The following TSPEAR variants were observed in gnomAD, a reference collection of about 807,000 sequenced individuals.
TSPEAR encodes thrombospondin type laminin G domain and EAR repeats, also known as thrombospondin-type laminin G domain and EAR repeat-containing protein.
Under a neutral mutation model 71.6 loss-of-function variants are expected in TSPEAR, and 69 were observed. That is an observed-to-expected ratio of 0.96 (90% confidence interval 0.79 to 1.18). TSPEAR has a LOEUF of 1.18. Ranked by LOEUF, TSPEAR falls within the 50% of genes most tolerant of loss-of-function variation. TSPEAR has a pLI of 0.00. For synonymous variants in TSPEAR, 402 were observed against 387.2 expected (o/e 1.04, Z -0.45); for missense variants, 971 against 894.9 (o/e 1.09, Z -1.09).
rs782218201 is a variant in TSPEAR, at chr21:44,612,872, G to C, written c.83-44867C>G. On this transcript the variant is annotated intron_variant, in intron 1 of 11. Coordinates refer to ENST00000323084, the MANE Select transcript of TSPEAR (RefSeq NM_144991.3). The surrounding 1 kb of genome is among the most constrained non-coding windows in gnomAD (Gnocchi z 4.1). ...CTGCCGCCCCGCGTGCTCCCGCCTG[G>C]CCTGCTGAGGCCTCTGCTCAGGCCA... 3.7e-6 allele frequency: 6 copies of C among 1,611,188 alleles called. No homozygotes were observed. In the East Asian group the frequency reaches 1.3e-4, roughly 36 times the overall value.
intron 1 of TSPEAR, among the ~76,000 whole-genome samples, chr21:44,650,907 C>A (rs1320971646): frequency 6.6e-6 from 1 of 152,214 alleles, no homozygotes; most frequent in Non-Finnish European, 1.5e-5. Flanking sequence ...GGCTCTGACA[C>A]ACCCAAGAAG....
chr21:44,569,208 A>T (rs1264619085), intron 1 of TSPEAR, among the ~76,000 whole-genome samples: 1 of 152,220 alleles, frequency 6.6e-6, no homozygotes, highest in Non-Finnish European at 1.5e-5. Context: ...GTTCTGCAGA[A>T]GAGCCTACCC....
chr21:44,599,134 T>TTCTCTCTCTCTC (rs58774528), intron 1 of TSPEAR, among the ~76,000 whole-genome samples: 6,548 of 92,092 alleles, frequency 0.071, 845 homozygotes, highest in Non-Finnish European at 0.11. Flanking sequence ...GGCCCCCATT[T>TTCTCTCTCTCTC]TCTCTCTCTC....
intron 1 of TSPEAR, among the ~76,000 whole-genome samples, chr21:44,657,665 C>T (rs1985229332): frequency 6.6e-6 from 1 of 152,158 alleles, no homozygotes; most frequent in Admixed American, 6.5e-5. Context: ...TACTTTGAGT[C>T]GAGCCAGTGG....
At chr21:44,615,061 T>C (rs587677901) in intron 1 of TSPEAR, among the ~76,000 whole-genome samples, 1 of 152,246 alleles carries the variant, frequency 6.6e-6, no homozygotes, top group African/African-American at 2.4e-5. Context: ...AAATGGGGGA[T>C]TGGCACCACT....
At chr21:44,677,286 G>A (rs1048480202) in intron 1 of TSPEAR, 54 of 780,448 alleles carry the variant, frequency 6.9e-5, no homozygotes, top group East Asian at 1.7e-4. Context: ...TTCCTTCAAC[G>A]CACCTTGCAC....
chr21:44,678,149 G>C (rs1986412629), intron 1 of TSPEAR: 2 of 575,842 alleles, frequency 3.5e-6, no homozygotes, highest in Admixed American at 5.5e-5. Flanking sequence ...AGTAAGTGGA[G>C]GCATGTGTAC....
At chr21:44,583,187 A>AT (rs1979117890) in intron 1 of TSPEAR, among the ~76,000 whole-genome samples, 2 of 15,512 alleles carry the variant, frequency 1.3e-4, no homozygotes, top group Non-Finnish European at 5.6e-4. Flanking sequence ...TGGGGATCTG[A>AT]GTGAGCTGAG....
intron 1 of TSPEAR, among the ~76,000 whole-genome samples, chr21:44,698,465 G>T (rs541510054): frequency 6.6e-6 from 1 of 152,186 alleles, no homozygotes; most frequent in Non-Finnish European, 1.5e-5. Flanking sequence ...GAGGGTCAAC[G>T]GAGCGGCCGT....
At chr21:44,580,267 A>C in intron 1 of TSPEAR, 17 of 1,613,550 alleles carry the variant, frequency 1.1e-5, no homozygotes, top group Non-Finnish European at 1.4e-5. Flanking sequence ...AGGAATCCTT[A>C]GAGCAGGTGG....
intron 1 of TSPEAR, chr21:44,654,283 C>T: frequency 1.2e-6 from 2 of 1,613,490 alleles, no homozygotes; most frequent in South Asian, 2.2e-5. Context: ...TGCTCAGCAG[C>T]CAGTGGGGGT....
intron 2 of TSPEAR, chr21:44,550,784 G>A (rs782475643): frequency 6.2e-7 from 1 of 1,614,222 alleles, no homozygotes; most frequent in Admixed American, 1.7e-5. Context: ...AGGAGGGTCT[G>A]CAGCAGGAGG....
chr21:44,642,112 T>C lies in TSPEAR; in HGVS notation c.82+69321A>G, dbSNP rs1984050739. Among the ~76,000 whole-genome samples the C allele has an allele frequency of 1.3e-5, 2 of 152,216 alleles. No homozygotes were observed. The highest frequency in any genetic ancestry group is 2.4e-5 in the African/African-American group (1 of 41,464). ...TTTCAGTATAAGAAAATAGTATGGG[T>C]ATATTTATCCTAAAATTTGGAAATA... On this transcript the variant is annotated intron_variant, in intron 1 of 11. Transcript: ENST00000323084. This position sits in a 1 kb window ranked among gnomAD's most constrained non-coding sequence, Gnocchi z 4.1.
In TSPEAR at chr21:44,593,653, G is replaced by C. The variant is rs587662510; in HGVS notation, c.83-25648C>G. Reference sequence around the variant, plus strand: ...ACTACCCAGCACTAAAGTTAAAATAGAGACCGTAAGACCCACAGAGCAGAC... The same window carrying C: ...ACTACCCAGCACTAAAGTTAAAATACAGACCGTAAGACCCACAGAGCAGAC... On this transcript the variant is annotated intron_variant, in intron 1 of 11. Transcript: ENST00000323084. This position sits in a 1 kb window ranked among gnomAD's most constrained non-coding sequence, Gnocchi z 5.9. Among the ~76,000 whole-genome samples the C allele has an allele frequency of 5.9e-5, 9 of 152,188 alleles. No individual in the cohort carries two copies. The South Asian group carries it at 1.9e-3, about 32-fold the overall frequency.
At chr21:44,674,912 A>G (rs1986238710) in intron 1 of TSPEAR, among the ~76,000 whole-genome samples, 1 of 152,082 alleles carries the variant, frequency 6.6e-6, no homozygotes. Context: ...CCAATAATGA[A>G]TAACCAGATT....
At position 44,687,244 on chromosome 21, in the gene TSPEAR, G is replaced by A. The variant is rs138681560; in HGVS notation, c.82+24189C>T. 1.4e-4 allele frequency among the ~76,000 whole-genome samples: 21 copies of A among 152,292 alleles called. No individual in the cohort carries two copies. Among genetic ancestry groups the A allele is most frequent in the African/African-American group, 5.1e-4 (21 of 41,560 alleles). ...AGGGAGGTAGATTTCAGCTCAGCAG[G>A]AGGAAGGGTCCCCTGAAAGCCAGGG... On this transcript the variant is annotated intron_variant, in intron 1 of 11. Coordinates refer to ENST00000323084, the MANE Select transcript of TSPEAR (RefSeq NM_144991.3). This position sits in a 1 kb window ranked among gnomAD's most constrained non-coding sequence, Gnocchi z 4.4.
At chr21:44,628,145 A>G in intron 1 of TSPEAR, 1 of 1,441,314 alleles carries the variant, frequency 6.9e-7, no homozygotes, top group East Asian at 2.3e-5. Context: ...AGCTCAACAC[A>G]GAAGGAGCAG....
At chr21:44,513,445 C>T (rs1022677676) in intron 9 of TSPEAR, among the ~76,000 whole-genome samples, 1 of 152,220 alleles carries the variant, frequency 6.6e-6, no homozygotes, top group African/African-American at 2.4e-5. Context: ...CATCAAAGGC[C>T]CTGCCAAACC....
chr21:44,688,914 GC>G (rs1402377611), intron 1 of TSPEAR, among the ~76,000 whole-genome samples: 1 of 152,054 alleles, frequency 6.6e-6, no homozygotes, highest in African/African-American at 2.4e-5. Flanking sequence ...GCCCCGAGGG[GC>G]ACCAGGCACA....
Sources: gnomAD v4.1 joint callset for allele counts (sites outside exome capture counted in the v4.1 genomes callset) on GRCh38, gnomAD v4.1.1 for gene constraint, Gnocchi (gnomAD v3.1) non-coding constraint, MANE v1.5 for transcripts, NCBI Gene and HGNC (gene_info 2026-07-23, HGNC 2026-07-21) for gene names.